POU2F1: variants seen among roughly 807,000 people sequenced by gnomAD.
The protein encoded by POU2F1 is POU class 2 homeobox 1, also known as POU domain, class 2, transcription factor 1.
In POU2F1, 16 loss-of-function variants were observed where a neutral mutation model predicts 84.9. The observed-to-expected ratio is 0.19, with a 90% CI of 0.13 to 0.29. The LOEUF (loss-of-function observed/expected upper bound fraction) is 0.29. Ranked by LOEUF, POU2F1 falls within the 10% of genes least tolerant of loss-of-function variation. The pLI, the probability that POU2F1 is intolerant of heterozygous loss-of-function variation, is 1.00. For synonymous variants in POU2F1, 368 were observed against 368.3 expected, an observed-to-expected ratio of 1.00 and a Z score of 0.01; for missense variants, 738 against 942.6, an observed-to-expected ratio of 0.78 and a Z score of 2.84.
intron 13 of POU2F1, among the ~76,000 whole-genome samples, chr1:167,402,040 T>C (rs1021121221): frequency 2.0e-5 from 3 of 152,238 alleles, no homozygotes; most frequent in African/African-American, 7.2e-5. Context: ...TCTTTCCCAA[T>C]AGACTGCACT....
At chr1:167,411,303 G>T (rs565052201) in intron 13 of POU2F1, among the ~76,000 whole-genome samples, 4 of 152,194 alleles carry the variant, frequency 2.6e-5, no homozygotes, top group Non-Finnish European at 4.4e-5. Flanking sequence ...CTCCCAAAGT[G>T]CTGAGATTAC....
chr1:167,328,244 T>G (rs1490170118), intron 1 of POU2F1, among the ~76,000 whole-genome samples: 3 of 152,214 alleles, frequency 2.0e-5, no homozygotes, highest in African/African-American at 7.2e-5. Flanking sequence ...AGCATTCAAC[T>G]AATCTATTCT....
chr1:167,375,675 C>G (rs1390665311), intron 6 of POU2F1, among the ~76,000 whole-genome samples: 1 of 152,096 alleles, frequency 6.6e-6, no homozygotes, highest in Non-Finnish European at 1.5e-5. Context: ...AGAGAAAGAT[C>G]AATCAAATAT....
At chr1:167,284,712 T>TG in intron 1 of POU2F1, among the ~76,000 whole-genome samples, 1 of 152,228 alleles carries the variant, frequency 6.6e-6, no homozygotes. Flanking sequence ...AGGGGCTTTT[T>TG]AATGAAAATT....
At chr1:167,286,631 G>T (rs1653549355) in intron 1 of POU2F1, among the ~76,000 whole-genome samples, 1 of 152,176 alleles carries the variant, frequency 6.6e-6, no homozygotes, top group Non-Finnish European at 1.5e-5. Context: ...AGAGATGTCT[G>T]TTAAAATCAG....
At chr1:167,297,102 A>G (rs1654335613) in intron 1 of POU2F1, among the ~76,000 whole-genome samples, 1 of 152,198 alleles carries the variant, frequency 6.6e-6, no homozygotes, top group South Asian at 2.1e-4. Context: ...CAATTTTGGA[A>G]ATTCCAACTT....
At chr1:167,325,094 T>C (rs1190695778) in intron 1 of POU2F1, among the ~76,000 whole-genome samples, 1 of 152,202 alleles carries the variant, frequency 6.6e-6, no homozygotes, top group African/African-American at 2.4e-5. Flanking sequence ...TTGTTGGACT[T>C]TTTTTGTAAA....
intron 1 of POU2F1, among the ~76,000 whole-genome samples, chr1:167,288,088 A>G (rs59653979): frequency 5.3e-5 from 8 of 152,246 alleles, no homozygotes; most frequent in Non-Finnish European, 1.0e-4. Flanking sequence ...GGCTACCATC[A>G]TACATTCTTT....
At chr1:167,253,388 C>CT (rs1650884862) in intron 1 of POU2F1, among the ~76,000 whole-genome samples, 1 of 141,462 alleles carries the variant, frequency 7.1e-6, no homozygotes, top group Non-Finnish European at 1.5e-5. Context: ...CCCCCCCCCC[C>CT]CAAACACACA....
chr1:167,376,215 A>T (rs1325745043), intron 7 of POU2F1, 60 bp downstream of exon 7: 31 of 1,522,842 alleles, frequency 2.0e-5, no homozygotes, highest in Non-Finnish European at 2.6e-5. Context: ...AATGTTACAC[A>T]TGCATGAACT....
At chr1:167,277,956 T>C (rs1335885108) in intron 1 of POU2F1, among the ~76,000 whole-genome samples, 1 of 152,178 alleles carries the variant, frequency 6.6e-6, no homozygotes, top group East Asian at 1.9e-4. Context: ...TGCAGCACAA[T>C]AGTAGCCCTC....
chr1:167,318,780 T>G (rs943951940), intron 1 of POU2F1, among the ~76,000 whole-genome samples: 10 of 152,318 alleles, frequency 6.6e-5, no homozygotes, highest in African/African-American at 2.4e-4. Flanking sequence ...GATGGGCCTC[T>G]AACATCTGTA....
rs553317791 is a variant in POU2F1, at chr1:167,397,414, A to G, written c.1130-580A>G. On this transcript the variant is annotated intron_variant, in intron 10 of 15. Coordinates refer to ENST00000367866, the MANE Select transcript of POU2F1 (RefSeq NM_002697.4). Reference sequence around the variant, plus strand: ...ACATAGAGCTGAGTTTAAGGATAGGAATAGTAAACCTCTTCTGTCTCAGAA... The same window carrying G: ...ACATAGAGCTGAGTTTAAGGATAGGGATAGTAAACCTCTTCTGTCTCAGAA... Among the ~76,000 whole-genome samples the G allele has an allele frequency of 2.0e-4, 31 of 152,358 alleles. No homozygotes were observed. In the Middle Eastern group the frequency reaches 0.01, roughly 50 times the overall value.
chr1:167,391,961 A>T (rs1174294103), intron 9 of POU2F1, among the ~76,000 whole-genome samples: 1 of 152,194 alleles, frequency 6.6e-6, no homozygotes, highest in Non-Finnish European at 1.5e-5. Flanking sequence ...GAGGAAATAC[A>T]GTTACATTTG....
chr1:167,222,118 C>A (rs1236344412), intron 1 of POU2F1, among the ~76,000 whole-genome samples: 1 of 152,152 alleles, frequency 6.6e-6, no homozygotes, highest in African/African-American at 2.4e-5. Context: ...CGCCCAGAGG[C>A]CTCCCGAGAA....
intron 1 of POU2F1, among the ~76,000 whole-genome samples, chr1:167,247,348 G>A (rs1012111950): frequency 2.6e-5 from 4 of 152,094 alleles, no homozygotes; most frequent in African/African-American, 9.7e-5. Flanking sequence ...GATTACAAGT[G>A]TGACCTGCCA....
chr1:167,234,745 A>G (rs929972584), intron 1 of POU2F1, among the ~76,000 whole-genome samples: 2 of 152,186 alleles, frequency 1.3e-5, no homozygotes, highest in South Asian at 2.1e-4. Flanking sequence ...TAAAACAAAT[A>G]TATATGAAAC....
In POU2F1 at chr1:167,378,408, T is replaced by C. The variant is rs1482835352; in HGVS notation, c.718+2253T>C. Reference sequence around the variant, plus strand: ...GCGCCACCATGCCCAGCTAATTTTTTTTTTTTTTTTTTTTTGAGACATAGT... The same window carrying C: ...GCGCCACCATGCCCAGCTAATTTTTCTTTTTTTTTTTTTTTGAGACATAGT... On this transcript the variant is annotated intron_variant, in intron 7 of 15. Coordinates refer to ENST00000367866, the MANE Select transcript of POU2F1 (RefSeq NM_002697.4). Among the ~76,000 whole-genome samples the C allele has an allele frequency of 9.4e-4, 140 of 149,570 alleles. 1 individual carries two copies. In the South Asian group the frequency reaches 9.6e-3, roughly 10 times the overall value.
intron 2 of POU2F1, among the ~76,000 whole-genome samples, chr1:167,356,163 C>CTTT (rs1187844604): frequency 7.7e-6 from 1 of 129,854 alleles, no homozygotes; most frequent in Admixed American, 7.8e-5. Context: ...TTTTCTTTTT[C>CTTT]TTTTTTTTTT....
Sources: allele counts gnomAD v4.1 joint callset (sites outside exome capture counted in the v4.1 genomes callset), GRCh38; gene constraint gnomAD v4.1.1; transcripts MANE v1.5; gene names NCBI Gene and HGNC (gene_info 2026-07-23, HGNC 2026-07-21).